The following PTPN3 variants were observed in gnomAD, a reference collection of about 807,000 sequenced individuals.
PTPN3 encodes the protein protein tyrosine phosphatase non-receptor type 3, also known as tyrosine-protein phosphatase non-receptor type 3.
Under a neutral mutation model 132.7 loss-of-function variants are expected in PTPN3, and 96 were observed. The ratio of observed to expected loss-of-function variants is 0.72; its 90% CI spans 0.61 to 0.86. PTPN3 has a LOEUF of 0.86. Ranked by LOEUF, PTPN3 falls within the 40% of genes least tolerant of loss-of-function variation. The probability of loss-of-function intolerance (pLI) is 0.00; values close to 1 mark genes in which losing one functional copy is unlikely to be tolerated. For missense variants in PTPN3, 1,125 were observed against 1,159.6 expected, an observed-to-expected ratio of 0.97 and a Z score of 0.43; for synonymous variants, 398 against 429.0, an observed-to-expected ratio of 0.93 and a Z score of 0.89.
At chr9:109,443,997 T>C (rs143283363) in intron 7 of PTPN3, among the ~76,000 whole-genome samples, 2 of 152,248 alleles carry the variant, frequency 1.3e-5, no homozygotes, top group East Asian at 1.9e-4. Context: ...GGTAGGGAAA[T>C]AGGCAGACCT....
chr9:109,532,895 G>T, the PTPN3 span: 15 of 1,080,824 alleles, frequency 1.4e-5, no homozygotes, highest in Non-Finnish European at 1.2e-5. Context: ...TGGTGGATCG[G>T]CTGCTTTTGT....
At chr9:109,492,306 G>A (rs1041636416) in intron 1 of PTPN3, among the ~76,000 whole-genome samples, 7 of 152,056 alleles carry the variant, frequency 4.6e-5, no homozygotes, top group Middle Eastern at 3.4e-3. Context: ...CCACTCCTAC[G>A]CCAGGGGACC....
intron 12 of PTPN3, among the ~76,000 whole-genome samples, chr9:109,425,755 G>A (rs1006314826): frequency 9.9e-5 from 15 of 152,120 alleles, no homozygotes; most frequent in African/African-American, 3.4e-4. Flanking sequence ...GCTCATGCCT[G>A]TAATCCCAGA....
intron 1 of PTPN3, among the ~76,000 whole-genome samples, chr9:109,486,338 C>CG (rs1554807960): frequency 2.0e-5 from 3 of 152,106 alleles, no homozygotes; most frequent in Non-Finnish European, 1.5e-5. Context: ...TTTAAGGGAA[C>CG]GTTTTTCTGG....
chr9:109,468,952 A>G (rs1846236642), intron 1 of PTPN3, among the ~76,000 whole-genome samples: 1 of 152,242 alleles, frequency 6.6e-6, no homozygotes, highest in Admixed American at 6.5e-5. Context: ...AGTTTTATGT[A>G]TCCACTTTAA....
Position 109,428,641 on chromosome 9 carries a change from T to G in PTPN3, c.808A>C (p.Ile270Leu). Residue 270 changes from isoleucine to leucine, a missense_variant, in exon 11 of 26, where the codon ATA (isoleucine) becomes CTA (leucine). Ile to Leu is a conservative substitution (Grantham distance 5). Coordinates refer to ENST00000374541, the MANE Select transcript of PTPN3 (RefSeq NM_002829.4). Reference sequence around the variant, plus strand: ...CTCACCTGTTTCTGTCGCTGATGTATGAAGAACTTTTTCCTTTTGAAAGAA... The same window carrying G: ...CTCACCTGTTTCTGTCGCTGATGTAGGAAGAACTTTTTCCTTTTGAAAGAA... ...KISFKRKKFFIHQRQKQAESR... is the reference protein window; with the variant it reads ...KISFKRKKFFLHQRQKQAESR... The G allele has an allele frequency of 6.2e-7, 1 of 1,613,894 alleles. No homozygotes were observed. Among genetic ancestry groups the G allele is most frequent in the Non-Finnish European group, 8.5e-7 (1 of 1,179,856 alleles).
chr9:109,424,268 C>A (rs1003626456), intron 12 of PTPN3, among the ~76,000 whole-genome samples: 20 of 152,184 alleles, frequency 1.3e-4, no homozygotes, highest in Non-Finnish European at 1.9e-4. Flanking sequence ...AGGGGCTGGG[C>A]AAGTCATGTG....
At chr9:109,444,858 G>A (rs570835181) in intron 7 of PTPN3, among the ~76,000 whole-genome samples, 1 of 152,312 alleles carries the variant, frequency 6.6e-6, no homozygotes, top group South Asian at 2.1e-4. Flanking sequence ...CTGGGTCTAG[G>A]TTTCCATGTG....
intron 21 of PTPN3, among the ~76,000 whole-genome samples, chr9:109,390,436 A>G (rs567102470): frequency 9.2e-5 from 14 of 152,256 alleles, no homozygotes; most frequent in Non-Finnish European, 1.6e-4. Context: ...ACATATTACT[A>G]TCTGGTTGGC....
intron 1 of PTPN3, among the ~76,000 whole-genome samples, chr9:109,467,549 A>G (rs1173771104): frequency 1.3e-5 from 2 of 152,200 alleles, no homozygotes; most frequent in Non-Finnish European, 2.9e-5. Flanking sequence ...GCCATGCACT[A>G]TGTGGATGAA....
intron 19 of PTPN3, among the ~76,000 whole-genome samples, chr9:109,400,216 T>C (rs1018786688): frequency 6.6e-6 from 1 of 152,192 alleles, no homozygotes; most frequent in African/African-American, 2.4e-5. Context: ...GCATGAGCCC[T>C]CATGTCCGGC....
At chr9:109,460,682 C>T (rs552109906) in intron 2 of PTPN3, among the ~76,000 whole-genome samples, 2 of 152,286 alleles carry the variant, frequency 1.3e-5, no homozygotes, top group Non-Finnish European at 1.5e-5. Flanking sequence ...TCAGTGGGGA[C>T]GTCTCTGGTT....
At chr9:109,408,837 T>C (rs1215280704) in intron 16 of PTPN3, among the ~76,000 whole-genome samples, 1 of 125,462 alleles carries the variant, frequency 8.0e-6, no homozygotes, top group African/African-American at 3.0e-5. Flanking sequence ...TATATATATA[T>C]GGGCTTTAAT....
intron 25 of PTPN3, among the ~76,000 whole-genome samples, chr9:109,380,714 C>A (rs1280214508): frequency 6.6e-6 from 1 of 152,142 alleles, no homozygotes; most frequent in African/African-American, 2.4e-5. Flanking sequence ...TATAAAACTA[C>A]CAAAGCTTAA....
At chr9:109,418,988 G>A (rs1842711474) in intron 14 of PTPN3, among the ~76,000 whole-genome samples, 1 of 152,186 alleles carries the variant, frequency 6.6e-6, no homozygotes, top group Admixed American at 6.5e-5. Flanking sequence ...CTCTAGTCAC[G>A]CATGCCTGCA....
intron 1 of PTPN3, among the ~76,000 whole-genome samples, chr9:109,464,781 G>C (rs1028459959): frequency 6.6e-6 from 1 of 152,168 alleles, no homozygotes; most frequent in Non-Finnish European, 1.5e-5. Context: ...TGCAAAACGT[G>C]AATCAATTGC....
intron 19 of PTPN3, among the ~76,000 whole-genome samples, chr9:109,397,061 G>C (rs1314847343): frequency 6.6e-6 from 1 of 152,120 alleles, no homozygotes; most frequent in Non-Finnish European, 1.5e-5. Flanking sequence ...GGAAGAAAAA[G>C]GGAAAAGGAC....
At chr9:109,456,672 A>T (rs118110076) in intron 4 of PTPN3, among the ~76,000 whole-genome samples, 1,985 of 152,302 alleles carry the variant, frequency 0.013, 13 homozygotes, top group South Asian at 0.02. Flanking sequence ...CTGGCCACCG[A>T]ACTGGGAGTT....
At chr9:109,431,106 G>A (rs1440633302) in intron 10 of PTPN3, among the ~76,000 whole-genome samples, 3 of 152,218 alleles carry the variant, frequency 2.0e-5, no homozygotes, top group Admixed American at 6.5e-5. Context: ...CTGGAGGCAG[G>A]GGCCAGGCCT....
Sources: allele counts gnomAD v4.1 joint callset (sites outside exome capture counted in the v4.1 genomes callset), GRCh38; gene constraint gnomAD v4.1.1; transcripts MANE v1.5; gene names NCBI Gene and HGNC (gene_info 2026-07-23, HGNC 2026-07-21).